Variants in NCAM1 observed in about 807,000 individuals in gnomAD.
NCAM1 encodes the protein neural cell adhesion molecule 1, also known as antigen recognized by monoclonal antibody 5.1H11.
A neutral mutation model predicts 109.8 loss-of-function variants in NCAM1; 14 were observed. That is an observed-to-expected ratio of 0.13 (90% CI 0.08 to 0.20). The LOEUF (loss-of-function observed/expected upper bound fraction) is 0.20, where lower values mean the gene tolerates loss of function less well. NCAM1 is among the 10% of genes least tolerant of loss of function. The pLI, the probability that NCAM1 is intolerant of heterozygous loss-of-function variation, is 1.00. For missense variants in NCAM1, 774 were observed against 1,109.9 expected (o/e 0.70, Z 4.30); for synonymous variants, 418 against 442.9 (o/e 0.94, Z 0.70).
rs1360468246 is a variant in NCAM1, at chr11:113,210,649, T to C, written c.916+2647T>C. On this transcript the variant is annotated intron_variant, in intron 7 of 19. Coordinates refer to ENST00000316851, the MANE Select transcript of NCAM1 (RefSeq NM_181351.5). Reference sequence around the variant, plus strand: ...CCCCGGAGTAGTGAGTGCAGGGCCATGTGGGACCGTGGTAGAGGGAAGAGA... The same window carrying C: ...CCCCGGAGTAGTGAGTGCAGGGCCACGTGGGACCGTGGTAGAGGGAAGAGA... Among the ~76,000 whole-genome samples the C allele has an allele frequency of 2.6e-5, 4 of 152,082 alleles. No homozygotes were observed. The South Asian group carries it at 6.2e-4, about 24-fold the overall frequency.
chr11:113,100,973 T>A (rs1939849629), intron 1 of NCAM1, among the ~76,000 whole-genome samples: 1 of 152,192 alleles, frequency 6.6e-6, no homozygotes, highest in Non-Finnish European at 1.5e-5. Flanking sequence ...TACACAACTC[T>A]GAGTTTGCAA....
intron 1 of NCAM1, among the ~76,000 whole-genome samples, chr11:113,052,914 A>C (rs1953561782): frequency 1.3e-5 from 2 of 152,012 alleles, no homozygotes; most frequent in African/African-American, 4.8e-5. Context: ...TACTCTTTGG[A>C]GGGCTCCCAG....
intron 17 of NCAM1, chr11:113,262,773 G>T: frequency 6.6e-7 from 1 of 1,525,404 alleles, no homozygotes; most frequent in Non-Finnish European, 9.0e-7. Context: ...GACGTCACTG[G>T]GACATCCCCA....
intron 1 of NCAM1, among the ~76,000 whole-genome samples, chr11:113,008,273 C>T (rs4595579): frequency 0.19 from 28,611 of 152,066 alleles, 3,035 homozygotes; most frequent in East Asian, 0.27. Context: ...CCAATACTGG[C>T]TTTCAGAATA....
At chr11:113,229,224 A>G (rs1332697578) in intron 9 of NCAM1, among the ~76,000 whole-genome samples, 3 of 147,928 alleles carry the variant, frequency 2.0e-5, no homozygotes, top group Non-Finnish European at 4.5e-5. Context: ...AATGAACTCA[A>G]ACAAATTTAC....
intron 1 of NCAM1, among the ~76,000 whole-genome samples, chr11:113,173,692 A>G (rs1477868051): frequency 6.7e-6 from 1 of 149,938 alleles, no homozygotes; most frequent in African/African-American, 2.5e-5. Context: ...ATCCCTGTCC[A>G]GGTTCATTCT....
chr11:113,263,323 G>A, intron 17 of NCAM1: 2 of 1,003,350 alleles, frequency 2.0e-6, no homozygotes, highest in Non-Finnish European at 2.4e-6. Context: ...GTGTCAGATT[G>A]TTAAAATCAC....
chr11:113,233,376 C>A lies in NCAM1; in HGVS notation c.1693+59C>A. Reference sequence around the variant, plus strand: ...CATGAGTGCCTCAGTACTCAGATGTCCCCACCTGCCATCCTGGGCATGTTC... The same window carrying A: ...CATGAGTGCCTCAGTACTCAGATGTACCCACCTGCCATCCTGGGCATGTTC... On this transcript the variant is annotated intron_variant, in intron 13 of 19. Coordinates refer to ENST00000316851, the MANE Select transcript of NCAM1 (RefSeq NM_181351.5). This position sits in a 1 kb window ranked among gnomAD's most constrained non-coding sequence, Gnocchi z 4.5. 1 of 1,515,400 alleles carries A rather than the reference C, an allele frequency of 6.6e-7. No individual in the cohort carries two copies. Among genetic ancestry groups the A allele is most frequent in the Non-Finnish European group, 9.0e-7 (1 of 1,114,170 alleles). The allele number at this position is 1,515,400 out of a possible 1,614,324, so 93.9% of individuals were successfully genotyped here. A position where few individuals can be genotyped will look rare whatever the true frequency, so the allele number is the denominator to read the frequency against.
intron 17 of NCAM1, chr11:113,263,324 T>C (rs1946060092): frequency 1.0e-6 from 1 of 1,004,414 alleles, no homozygotes; most frequent in Non-Finnish European, 1.2e-6. Flanking sequence ...TGTCAGATTG[T>C]TAAAATCACC....
At chr11:113,260,411 A>G (rs1555123118) in intron 17 of NCAM1, 88 bp downstream of exon 17, 6 of 1,404,802 alleles carry the variant, frequency 4.3e-6, no homozygotes, top group African/African-American at 1.4e-5. Flanking sequence ...AACCCTGACA[A>G]CTTGCTTGCT....
intron 1 of NCAM1, among the ~76,000 whole-genome samples, chr11:113,157,442 T>C (rs528266845): frequency 6.6e-5 from 10 of 152,338 alleles, no homozygotes; most frequent in Non-Finnish European, 8.8e-5. Flanking sequence ...TCTTCTGTCC[T>C]CTTTTTTCCT....
intron 1 of NCAM1, among the ~76,000 whole-genome samples, chr11:113,012,966 G>A (rs1404760900): frequency 6.6e-6 from 1 of 152,064 alleles, no homozygotes; most frequent in Non-Finnish European, 1.5e-5. Context: ...CTTTCAAATG[G>A]TTCCTCAATA....
intron 9 of NCAM1, among the ~76,000 whole-genome samples, chr11:113,229,412 T>A (rs935964713): frequency 5.3e-5 from 8 of 152,176 alleles, no homozygotes; most frequent in South Asian, 4.1e-4. Context: ...AGAATGGCGA[T>A]CATTAAAAAG....
At position 113,178,276 on chromosome 11, in the gene NCAM1, G is replaced by A. The variant is rs114332240; in HGVS notation, c.53-24103G>A. Among the ~76,000 whole-genome samples the A allele has an allele frequency of 4.2e-3, 638 of 152,226 alleles. 3 individuals carry two copies. Among genetic ancestry groups the A allele is most frequent in the African/African-American group, 0.014 (600 of 41,534 alleles). On this transcript the variant is annotated intron_variant, in intron 1 of 19. Transcript: ENST00000316851. The stretch of plus-strand genomic sequence containing the variant: ...GGGCCAAATGGGAGAGAAAGACATC[G>A]GAGAAGAGTAAAATAACTAAGGATG...
At chr11:113,271,385 A>G (rs907339774) in intron 18 of NCAM1, among the ~76,000 whole-genome samples, 10 of 151,650 alleles carry the variant, frequency 6.6e-5, no homozygotes, top group East Asian at 5.8e-4. Flanking sequence ...AAAAAAAAAA[A>G]AAAAAAAAAA....
chr11:113,104,207 T>TGGGGGGGG (rs1345382907), intron 1 of NCAM1, among the ~76,000 whole-genome samples: 6 of 19,264 alleles, frequency 3.1e-4, no homozygotes, highest in Non-Finnish European at 4.0e-4. Context: ...GGAGGTGGGG[T>TGGGGGGGG]GGGGGGGGGG....
intron 1 of NCAM1, among the ~76,000 whole-genome samples, chr11:113,189,880 G>GC (rs1555109520): frequency 1.7e-5 from 1 of 59,654 alleles, no homozygotes; most frequent in Non-Finnish European, 3.4e-5. Context: ...AAACAAACAA[G>GC]GAAAAAAAAA....
chr11:113,234,614 A>G (rs1386327800), intron 13 of NCAM1, among the ~76,000 whole-genome samples: 5 of 152,220 alleles, frequency 3.3e-5, no homozygotes, highest in African/African-American at 1.2e-4. Context: ...ATGTTGTAGC[A>G]TGTGTCAGAA....
At chr11:113,043,448 T>C (rs1025827311) in intron 1 of NCAM1, among the ~76,000 whole-genome samples, 2 of 152,208 alleles carry the variant, frequency 1.3e-5, no homozygotes, top group African/African-American at 4.8e-5. Flanking sequence ...GCGATTCTCC[T>C]GCCCCAGCCT....
Sources: allele counts gnomAD v4.1 joint callset (sites outside exome capture counted in the v4.1 genomes callset), GRCh38; gene constraint gnomAD v4.1.1; non-coding constraint Gnocchi (gnomAD v3.1); transcripts MANE v1.5; gene names NCBI Gene and HGNC (gene_info 2026-07-23, HGNC 2026-07-21).